Variants in TTLL11 observed in about 807,000 individuals in gnomAD.
The protein encoded by TTLL11 is tubulin polyglutamylase TTLL11.
In TTLL11, 42 loss-of-function variants were observed where a neutral mutation model predicts 51.7. The ratio of observed to expected loss-of-function variants is 0.81; its 90% CI spans 0.64 to 1.05. TTLL11 has a LOEUF of 1.05. Ranked by LOEUF, TTLL11 falls within the 50% of genes least tolerant of loss-of-function variation. The probability of loss-of-function intolerance (pLI) is 0.00; values close to 1 mark genes in which losing one functional copy is unlikely to be tolerated. For missense variants in TTLL11, 799 were observed against 940.4 expected (o/e 0.85, Z 1.97); for synonymous variants, 381 against 383.5 (o/e 0.99, Z 0.08).
chr9:121,885,811 C>G (rs1838988764), intron 6 of TTLL11, among the ~76,000 whole-genome samples: 1 of 152,162 alleles, frequency 6.6e-6, no homozygotes, highest in Non-Finnish European at 1.5e-5. Flanking sequence ...TCACGGCAGC[C>G]CCAAACTCCT....
intron 8 of TTLL11, among the ~76,000 whole-genome samples, chr9:121,845,099 G>C (rs1414271531): frequency 2.0e-5 from 3 of 152,038 alleles, no homozygotes. Flanking sequence ...CAGAGACAAA[G>C]AGAAAATCTT....
At position 121,905,152 on chromosome 9, in the gene TTLL11, T is replaced by C. The variant is rs556661900; in HGVS notation, c.1482-34404A>G. On this transcript the variant is annotated intron_variant, in intron 6 of 8. Transcript: ENST00000321582. ...GGTTCTAATATTGTAATATTATATC[T>C]CTCTGTAGAAGACATGAAAATGAAA... 7.9e-5 allele frequency among the ~76,000 whole-genome samples: 12 copies of C among 152,246 alleles called. No individual in the cohort carries two copies. The South Asian group carries it at 2.5e-3, about 32-fold the overall frequency.
chr9:122,065,179 G>A (rs529214274), intron 1 of TTLL11, among the ~76,000 whole-genome samples: 1 of 152,276 alleles, frequency 6.6e-6, no homozygotes, highest in South Asian at 2.1e-4. Flanking sequence ...GACAAGTTTG[G>A]GAGATGCTAA....
At chr9:121,946,079 G>A (rs1001012676) in intron 6 of TTLL11, among the ~76,000 whole-genome samples, 4 of 152,218 alleles carry the variant, frequency 2.6e-5, no homozygotes, top group African/African-American at 9.6e-5. Context: ...CATAAATCCA[G>A]CATTCCTTCT....
Position 122,064,021 on chromosome 9 carries a change from T to A in TTLL11, c.463-24653A>T, listed in dbSNP as rs1229465101. 2.0e-5 allele frequency among the ~76,000 whole-genome samples: 3 copies of A among 152,328 alleles called. No individual in the cohort carries two copies. The East Asian group carries it at 5.8e-4, about 29-fold the overall frequency. On this transcript the variant is annotated intron_variant, in intron 1 of 8. Coordinates refer to ENST00000321582, the MANE Select transcript of TTLL11 (RefSeq NM_001139442.2). ...ATATCAGCCTGGATTTCATAATGGA[T>A]TAGAGAGACTCTTCACACATCAATG...
At chr9:121,899,368 TATATATATAC>T (rs1358174079) in intron 6 of TTLL11, among the ~76,000 whole-genome samples, 4 of 86,722 alleles carry the variant, frequency 4.6e-5, no homozygotes, top group African/African-American at 1.1e-4. Flanking sequence ...TGTGTGTGTA[TATATATATAC>T]ATATATATAT....
chr9:121,895,524 T>C (rs1272841863), intron 6 of TTLL11, among the ~76,000 whole-genome samples: 1 of 151,416 alleles, frequency 6.6e-6, no homozygotes, highest in African/African-American at 2.4e-5. Context: ...TGTATGACTG[T>C]GACTGTGACT....
chr9:122,034,253 C>T (rs1466315152), intron 2 of TTLL11, among the ~76,000 whole-genome samples: 1 of 152,200 alleles, frequency 6.6e-6, no homozygotes, highest in African/African-American at 2.4e-5. Flanking sequence ...TGAGGGCAGT[C>T]TGGGTGCTCC....
At chr9:122,090,588 C>G (rs1365522726) in intron 1 of TTLL11, among the ~76,000 whole-genome samples, 2 of 152,202 alleles carry the variant, frequency 1.3e-5, no homozygotes, top group Non-Finnish European at 2.9e-5. Context: ...GGTGCCCCTC[C>G]TCTACCTCCC....
intron 8 of TTLL11, among the ~76,000 whole-genome samples, chr9:121,856,663 A>G (rs938275149): frequency 6.6e-6 from 1 of 152,182 alleles, no homozygotes; most frequent in Non-Finnish European, 1.5e-5. Context: ...TGAATGAATG[A>G]GTACGTGTTC....
At chr9:121,929,535 G>C (rs1372918542) in intron 6 of TTLL11, among the ~76,000 whole-genome samples, 13 of 152,194 alleles carry the variant, frequency 8.5e-5, no homozygotes, top group Admixed American at 8.5e-4. Flanking sequence ...ACGGGATGGG[G>C]AAGGGTGGCC....
chr9:121,967,710 T>A (rs1302108539), intron 6 of TTLL11, among the ~76,000 whole-genome samples: 8 of 152,192 alleles, frequency 5.3e-5, no homozygotes, highest in African/African-American at 1.9e-4. Context: ...CCTTGTAGCA[T>A]CCCTCTGGTT....
intron 4 of TTLL11, among the ~76,000 whole-genome samples, chr9:121,978,353 G>A (rs917578458): frequency 7.9e-5 from 12 of 152,298 alleles, no homozygotes; most frequent in South Asian, 2.1e-4. Context: ...TTTTCAAACC[G>A]GGGTTCTTTT....
intron 6 of TTLL11, among the ~76,000 whole-genome samples, chr9:121,879,778 C>A (rs1423235246): frequency 9.1e-5 from 8 of 87,878 alleles, no homozygotes; most frequent in African/African-American, 2.5e-4. Flanking sequence ...CCAGGCTGGG[C>A]AACATAGCGA....
chr9:121,885,825 C>A (rs1351371152), intron 6 of TTLL11, among the ~76,000 whole-genome samples: 1 of 152,150 alleles, frequency 6.6e-6, no homozygotes, highest in East Asian at 1.9e-4. Flanking sequence ...AACTCCTGGC[C>A]TCATGCAATC....
intron 6 of TTLL11, among the ~76,000 whole-genome samples, chr9:121,963,087 C>T (rs1310768749): frequency 1.3e-5 from 2 of 152,310 alleles, no homozygotes; most frequent in East Asian, 3.9e-4. Context: ...GGCCATGCCA[C>T]TCAACCTCTC....
chr9:121,838,650 C>T (rs887311498), intron 8 of TTLL11, among the ~76,000 whole-genome samples: 2 of 152,048 alleles, frequency 1.3e-5, no homozygotes, highest in African/African-American at 2.4e-5. Flanking sequence ...ACCCAGGAGG[C>T]GGAGGTTGCA....
chr9:121,969,725 A>G (rs1842504135), intron 6 of TTLL11, among the ~76,000 whole-genome samples: 1 of 152,204 alleles, frequency 6.6e-6, no homozygotes, highest in African/African-American at 2.4e-5. Context: ...AAACGCTAGA[A>G]ACCCTGGCTT....
intron 6 of TTLL11, among the ~76,000 whole-genome samples, chr9:121,921,411 C>T (rs2002069): frequency 0.25 from 38,702 of 152,034 alleles, 6,017 homozygotes; most frequent in Non-Finnish European, 0.35. Flanking sequence ...GAAGAGGGGA[C>T]AGCAGAGCCC....
Sources: gnomAD v4.1 joint callset for allele counts (sites outside exome capture counted in the v4.1 genomes callset) on GRCh38, gnomAD v4.1.1 for gene constraint, MANE v1.5 for transcripts, NCBI Gene and HGNC (gene_info 2026-07-23, HGNC 2026-07-21) for gene names.